The following ME1 variants were observed in gnomAD, a reference collection of about 807,000 sequenced individuals.
ME1 encodes malic enzyme 1.
In ME1, 74 loss-of-function variants were observed where a neutral mutation model predicts 66.4. The observed-to-expected ratio is 1.11, with a 90% confidence interval of 0.92 to 1.35. The LOEUF is 1.35. Among genes scored for constraint, ME1 ranks in the 40% most tolerant of loss-of-function variants. The pLI, the probability that ME1 is intolerant of heterozygous loss-of-function variation, is 0.00. For missense variants in ME1, 750 were observed against 694.1 expected, an observed-to-expected ratio of 1.08 and a Z score of -0.90; for synonymous variants, 251 against 235.6, an observed-to-expected ratio of 1.07 and a Z score of -0.60.
intron 5 of ME1, among the ~76,000 whole-genome samples, chr6:83,333,236 TTTATTA>T (rs1387167063): frequency 1.3e-5 from 2 of 152,214 alleles, no homozygotes; most frequent in East Asian, 1.9e-4. Flanking sequence ...TTTCTATATT[TTTATTA>T]TTAAGTGTAA....
chr6:83,228,056 TATC>T (rs1376525304), intron 10 of ME1, among the ~76,000 whole-genome samples: 1 of 152,232 alleles, frequency 6.6e-6, no homozygotes, highest in African/African-American at 2.4e-5. Context: ...TTATTGTAGT[TATC>T]ATCATTATTT....
At position 83,308,568 on chromosome 6, in the gene ME1, T is replaced by G. The variant is rs1767872340; in HGVS notation, c.704+6742A>C. ...TAATATTTCCTGAAATTAAATCACA[T>G]GAAAAGAAATTCTAATAAGTTCTTC... On this transcript the variant is annotated intron_variant, in intron 6 of 13. Transcript: ENST00000369705. 3.3e-5 allele frequency among the ~76,000 whole-genome samples: 5 copies of G among 151,310 alleles called. 1 individual carries two copies. The South Asian group carries it at 1.0e-3, about 31-fold the overall frequency.
chr6:83,397,589 G>T (rs1290588966), intron 3 of ME1, among the ~76,000 whole-genome samples: 1 of 152,072 alleles, frequency 6.6e-6, no homozygotes, highest in East Asian at 1.9e-4. Context: ...ATTAAGAATA[G>T]AACTACCAAA....
At chr6:83,300,613 T>C (rs1305251709) in intron 6 of ME1, among the ~76,000 whole-genome samples, 1 of 139,584 alleles carries the variant, frequency 7.2e-6, no homozygotes, top group Non-Finnish European at 1.6e-5. Context: ...TTTCTTTCTT[T>C]TTTTTTTTTT....
intron 6 of ME1, among the ~76,000 whole-genome samples, chr6:83,262,617 A>G (rs1954538): frequency 0.11 from 17,147 of 152,216 alleles, 1,084 homozygotes; most frequent in African/African-American, 0.16. Context: ...CAGAAAAGAG[A>G]ATTGTATATT....
chr6:83,325,034 T>C (rs181247131), intron 5 of ME1, among the ~76,000 whole-genome samples: 2 of 152,272 alleles, frequency 1.3e-5, no homozygotes, highest in Non-Finnish European at 2.9e-5. Flanking sequence ...GTGGGCTTCA[T>C]CCCTGGGATG....
At chr6:83,225,794 A>G (rs1025924169) in intron 11 of ME1, among the ~76,000 whole-genome samples, 4 of 137,648 alleles carry the variant, frequency 2.9e-5, no homozygotes, top group African/African-American at 1.1e-4. Flanking sequence ...TATTTGAGAA[A>G]GAGGCCTGTA....
intron 5 of ME1, among the ~76,000 whole-genome samples, chr6:83,327,831 C>G (rs1376005202): frequency 6.6e-6 from 1 of 152,066 alleles, no homozygotes; most frequent in Non-Finnish European, 1.5e-5. Context: ...TTTGGGGCAT[C>G]ACGGATCCTA....
At chr6:83,375,312 T>A (rs1387735943) in intron 3 of ME1, among the ~76,000 whole-genome samples, 3 of 152,194 alleles carry the variant, frequency 2.0e-5, no homozygotes, top group African/African-American at 4.8e-5. Context: ...GTCCTTCGCA[T>A]CCCTTGTTAG....
intron 6 of ME1, among the ~76,000 whole-genome samples, chr6:83,300,610 C>CTTTTTTTTTTTTTTTTT (rs35205380): frequency 1.2e-4 from 10 of 84,990 alleles, no homozygotes; most frequent in Admixed American, 1.5e-4. Flanking sequence ...TTCTTTCTTT[C>CTTTTTTTTTTTTTTTTT]TTTTTTTTTT....
rs1320115475 is a variant in ME1, at chr6:83,211,915, G to A, written c.*9C>T. On this transcript the variant is annotated 3_prime_UTR_variant, in exon 14 of 14. Coordinates refer to ENST00000369705, the MANE Select transcript of ME1 (RefSeq NM_002395.6). ...CTCATTAATAGAGTTAGAAATGTTT[G>A]CTATTATCCTACTGGTCAACTTTGG... 6 of 1,559,716 alleles carry A rather than the reference G, an allele frequency of 3.8e-6. No homozygotes were observed. The highest frequency in any genetic ancestry group is 1.8e-5 in the Admixed American group (1 of 55,010).
chr6:83,218,347 G>A (rs1404776534), intron 12 of ME1, among the ~76,000 whole-genome samples: 2 of 152,154 alleles, frequency 1.3e-5, no homozygotes, highest in East Asian at 3.9e-4. Flanking sequence ...CCTCTTCTTG[G>A]TGCATGCTAC....
intron 6 of ME1, among the ~76,000 whole-genome samples, chr6:83,258,070 C>A (rs1766816236): frequency 6.6e-6 from 1 of 152,120 alleles, no homozygotes; most frequent in African/African-American, 2.4e-5. Flanking sequence ...AAAATGAAAT[C>A]CCTACAATAT....
At position 83,322,312 on chromosome 6, in the gene ME1, A is replaced by G. The variant is rs148768161; in HGVS notation, c.601-6899T>C. On this transcript the variant is annotated intron_variant, in intron 5 of 13. Transcript: ENST00000369705. ...ACTGGATGGAGAATGAGTTTGACTA[A>G]TTGACAAAAGTAGGCTTCAGAAGGT... 4.6e-3 allele frequency among the ~76,000 whole-genome samples: 695 copies of G among 152,300 alleles called. 2 individuals carry two copies. Among genetic ancestry groups the G allele is most frequent in the African/African-American group, 0.015 (637 of 41,576 alleles).
chr6:83,273,411 T>C (rs528029238), intron 6 of ME1, among the ~76,000 whole-genome samples: 2 of 152,138 alleles, frequency 1.3e-5, no homozygotes, highest in African/African-American at 2.4e-5. Flanking sequence ...TCCAAGTTCT[T>C]TTAAGACTTG....
At chr6:83,426,683 T>G (rs1770378205) in intron 1 of ME1, among the ~76,000 whole-genome samples, 1 of 152,222 alleles carries the variant, frequency 6.6e-6, no homozygotes, top group South Asian at 2.1e-4. Flanking sequence ...CAAAAGCTGA[T>G]TTTTTAGATG....
intron 2 of ME1, among the ~76,000 whole-genome samples, chr6:83,402,285 T>C (rs1299539448): frequency 6.6e-6 from 1 of 152,130 alleles, no homozygotes; most frequent in Admixed American, 6.5e-5. Flanking sequence ...GTTTTTCTCA[T>C]AGCCAGGATT....
In ME1 at chr6:83,349,006, AAAC is replaced by A. The variant is rs1341933497; in HGVS notation, c.439-2675_439-2673del. ...TCTCAAAAAAAAAAAAAAAAACAAA[AAAC>A]AAAAAACAGTGCATTCTTTCTTATT... is the stretch of plus-strand genomic sequence containing the variant. On this transcript the variant is annotated intron_variant, in intron 4 of 13. Transcript: ENST00000369705. 2.1e-4 allele frequency among the ~76,000 whole-genome samples: 31 copies of A among 148,100 alleles called. 3 individuals carry two copies. Among genetic ancestry groups the A allele is most frequent in the African/African-American group, 4.5e-4 (18 of 39,756 alleles).
intron 1 of ME1, among the ~76,000 whole-genome samples, chr6:83,408,191 A>T (rs1353175420): frequency 6.6e-6 from 1 of 152,240 alleles, no homozygotes; most frequent in Non-Finnish European, 1.5e-5. Flanking sequence ...AAATGAAAGA[A>T]GATATAATCA....
Sources: gnomAD v4.1 joint callset for allele counts (sites outside exome capture counted in the v4.1 genomes callset) on GRCh38, gnomAD v4.1.1 for gene constraint, MANE v1.5 for transcripts, NCBI Gene and HGNC (gene_info 2026-07-23, HGNC 2026-07-21) for gene names.